Variants in PCDH9 observed in about 807,000 individuals in gnomAD.
PCDH9 encodes protocadherin 9.
PCDH9 carries 24 observed loss-of-function variants against 70.6 expected under a neutral mutation model. The observed-to-expected ratio is 0.34, with a 90% CI of 0.25 to 0.48. The LOEUF (loss-of-function observed/expected upper bound fraction) is 0.48, where lower values mean the gene tolerates loss of function less well. Ranked by LOEUF, PCDH9 falls within the 20% of genes least tolerant of loss-of-function variation. The pLI is 0.99. For synonymous variants in PCDH9, 562 were observed against 558.5 expected, an observed-to-expected ratio of 1.01 and a Z score of -0.09; for missense variants, 1,281 against 1,503.6, an observed-to-expected ratio of 0.85 and a Z score of 2.45.
chr13:66,414,969 T>G (rs1482009343), intron 4 of PCDH9, among the ~76,000 whole-genome samples: 1 of 152,118 alleles, frequency 6.6e-6, no homozygotes, highest in Non-Finnish European at 1.5e-5. Flanking sequence ...TTAAAATAAC[T>G]ACCATTGCTC....
At chr13:66,494,620 A>C (rs916996272) in intron 4 of PCDH9, among the ~76,000 whole-genome samples, 2 of 152,082 alleles carry the variant, frequency 1.3e-5, no homozygotes, top group African/African-American at 4.8e-5. Context: ...CAACAATTAG[A>C]CCAGAAACCA....
intron 4 of PCDH9, among the ~76,000 whole-genome samples, chr13:66,625,672 T>G (rs1269395347): frequency 6.6e-6 from 1 of 151,642 alleles, no homozygotes; most frequent in Non-Finnish European, 1.5e-5. Flanking sequence ...TTTTTTTTTT[T>G]TTTTTTGATA....
chr13:67,053,296 C>A (rs899486424), intron 2 of PCDH9, among the ~76,000 whole-genome samples: 8 of 152,128 alleles, frequency 5.3e-5, no homozygotes, highest in South Asian at 2.1e-4. Context: ...TTTGCTCTAT[C>A]CTCCAGGAAC....
At chr13:66,960,027 C>T (rs537256848) in intron 2 of PCDH9, among the ~76,000 whole-genome samples, 313 of 152,124 alleles carry the variant, frequency 2.1e-3, no homozygotes, top group Admixed American at 2.9e-3. Flanking sequence ...AATTTTGACA[C>T]GAAGAAGAAT....
intron 2 of PCDH9, among the ~76,000 whole-genome samples, chr13:66,932,230 G>A (rs1326349875): frequency 6.6e-6 from 1 of 152,060 alleles, no homozygotes; most frequent in Non-Finnish European, 1.5e-5. Flanking sequence ...CCACTTGCTA[G>A]GTGTTTAATA....
At chr13:66,452,713 A>G (rs1300471451) in intron 4 of PCDH9, among the ~76,000 whole-genome samples, 3 of 152,174 alleles carry the variant, frequency 2.0e-5, no homozygotes, top group African/African-American at 7.2e-5. Context: ...GTTTGCAATT[A>G]CTTTTCCAAA....
chr13:67,035,129 A>C (rs925435652), intron 2 of PCDH9, among the ~76,000 whole-genome samples: 1 of 152,124 alleles, frequency 6.6e-6, no homozygotes, highest in Non-Finnish European at 1.5e-5. Context: ...TCCAAGCTGA[A>C]GAATTTGCTC....
chr13:67,130,188 A>C (rs1235533577), intron 2 of PCDH9, among the ~76,000 whole-genome samples: 2 of 152,192 alleles, frequency 1.3e-5, no homozygotes, highest in Non-Finnish European at 2.9e-5. Context: ...GCACACACAA[A>C]GAAACAGGAG....
chr13:66,737,076 T>A (rs1199281607), intron 3 of PCDH9, among the ~76,000 whole-genome samples: 3 of 152,190 alleles, frequency 2.0e-5, no homozygotes, highest in Non-Finnish European at 4.4e-5. Flanking sequence ...AAAAATAATG[T>A]GGAGTTAATA....
chr13:66,318,068 A>G (rs917929056), intron 4 of PCDH9, among the ~76,000 whole-genome samples: 7 of 152,152 alleles, frequency 4.6e-5, no homozygotes, highest in African/African-American at 1.7e-4. Flanking sequence ...GAGTTTGTAG[A>G]GAGAAATTTT....
chr13:67,075,894 C>A (rs2085868640), intron 2 of PCDH9, among the ~76,000 whole-genome samples: 1 of 151,954 alleles, frequency 6.6e-6, no homozygotes, highest in African/African-American at 2.4e-5. Flanking sequence ...TATTTGATAG[C>A]CCCATTATGC....
rs374002492 is a variant in PCDH9, at chr13:67,219,804, T to C, written c.3036+5601A>G. 3.7e-4 allele frequency: 56 copies of C among 152,128 alleles called. 1 individual carries two copies. In the South Asian group the frequency reaches 0.011, roughly 29 times the overall value. 9.4% of individuals were successfully genotyped at this position (152,128 alleles called of 1,614,324 possible). On this transcript the variant is annotated intron_variant, in intron 2 of 4. Coordinates refer to ENST00000377865, the MANE Select transcript of PCDH9 (RefSeq NM_203487.3). ...GTACTTTCCAACTCAGTGAAATATATAAGATATTAAATGATTTACTAATAT... is the reference window on the plus strand; with the variant it reads ...GTACTTTCCAACTCAGTGAAATATACAAGATATTAAATGATTTACTAATAT...
At chr13:66,810,423 C>T (rs762126198) in intron 3 of PCDH9, among the ~76,000 whole-genome samples, 3 of 151,808 alleles carry the variant, frequency 2.0e-5, no homozygotes, top group Non-Finnish European at 4.4e-5. Context: ...ACAATGGATA[C>T]GTCATTTAAG....
At chr13:66,930,685 C>G (rs1481464603) in intron 2 of PCDH9, among the ~76,000 whole-genome samples, 1 of 151,914 alleles carries the variant, frequency 6.6e-6, no homozygotes, top group Non-Finnish European at 1.5e-5. Context: ...AGTCTAGAGA[C>G]ATACAAGAAT....
intron 4 of PCDH9, among the ~76,000 whole-genome samples, chr13:66,384,396 G>C (rs1027508925): frequency 1.3e-5 from 2 of 151,986 alleles, no homozygotes; most frequent in Non-Finnish European, 2.9e-5. Context: ...TGTTTTTGTT[G>C]TTCTATCAGA....
intron 4 of PCDH9, among the ~76,000 whole-genome samples, chr13:66,366,302 CT>C (rs1303104672): frequency 6.6e-6 from 1 of 151,914 alleles, no homozygotes; most frequent in Non-Finnish European, 1.5e-5. Flanking sequence ...TATAATCATT[CT>C]TTAATTCTAC....
chr13:66,460,991 T>C (rs1339778901), intron 4 of PCDH9, among the ~76,000 whole-genome samples: 2 of 151,906 alleles, frequency 1.3e-5, no homozygotes, highest in Non-Finnish European at 2.9e-5. Context: ...GTTTTTCATA[T>C]CTGTTCCAAC....
intron 4 of PCDH9, among the ~76,000 whole-genome samples, chr13:66,452,882 C>T (rs1373761480): frequency 6.6e-6 from 1 of 152,052 alleles, no homozygotes; most frequent in Non-Finnish European, 1.5e-5. Context: ...AATATCCCTT[C>T]TCACATGACT....
intron 3 of PCDH9, among the ~76,000 whole-genome samples, chr13:66,887,035 AC>A (rs2082016375): frequency 7.0e-4 from 3 of 4,284 alleles, no homozygotes; most frequent in Non-Finnish European, 1.2e-3. Context: ...AAATATAATA[AC>A]ACACACACAC....
Sources: gnomAD v4.1 joint callset for allele counts (sites outside exome capture counted in the v4.1 genomes callset) on GRCh38, gnomAD v4.1.1 for gene constraint, MANE v1.5 for transcripts, NCBI Gene and HGNC (gene_info 2026-07-23, HGNC 2026-07-21) for gene names.